HPS5: variants seen among roughly 807,000 people sequenced by gnomAD.
The protein encoded by HPS5 is BLOC-2 complex member HPS5.
HPS5 carries 83 observed loss-of-function variants against 128.0 expected under a neutral mutation model. That is an observed-to-expected ratio of 0.65 (90% CI 0.54 to 0.78). The LOEUF (loss-of-function observed/expected upper bound fraction) is 0.78, where lower values mean the gene tolerates loss of function less well. Ranked by LOEUF, HPS5 falls within the 30% of genes least tolerant of loss-of-function variation. The pLI is 0.00. For missense variants in HPS5, 1,281 were observed against 1,326.2 expected, an observed-to-expected ratio of 0.97 and a Z score of 0.53; for synonymous variants, 475 against 470.2, an observed-to-expected ratio of 1.01 and a Z score of -0.13.
intron 9 of HPS5, among the ~76,000 whole-genome samples, chr11:18,300,366 G>A (rs1374544157): frequency 6.6e-6 from 1 of 152,048 alleles, no homozygotes; most frequent in Non-Finnish European, 1.5e-5. Context: ...CTTACAATGG[G>A]AAATATCTAT....
intron 22 of HPS5, 42 bp downstream of exon 22, chr11:18,281,908 T>C: frequency 6.2e-7 from 1 of 1,612,684 alleles, no homozygotes; most frequent in South Asian, 1.1e-5. Flanking sequence ...GCCTTCTACC[T>C]TCTCCAAGCA....
intron 9 of HPS5, 37 bp downstream of exon 9, chr11:18,300,791 G>C: frequency 9.7e-7 from 1 of 1,035,252 alleles, no homozygotes. Flanking sequence ...ATTTTCATAA[G>C]CATGAGATTA....
intron 22 of HPS5, among the ~76,000 whole-genome samples, chr11:18,280,845 T>C (rs1273695708): frequency 6.6e-6 from 1 of 152,192 alleles, no homozygotes; most frequent in Admixed American, 6.5e-5. Context: ...GTAAAATTAA[T>C]AAAAACAGAA....
At chr11:18,310,609 A>C in intron 5 of HPS5, 132 bp downstream of exon 5, 1 of 754,128 alleles carries the variant, frequency 1.3e-6, no homozygotes, top group Non-Finnish European at 2.2e-6. Context: ...GTCTCCTCAA[A>C]ATCTCCAGGT....
At chr11:18,292,344 T>C (rs554576339) in intron 15 of HPS5, among the ~76,000 whole-genome samples, 2 of 151,964 alleles carry the variant, frequency 1.3e-5, no homozygotes, top group East Asian at 3.9e-4. Context: ...TACAGGTACA[T>C]GCCACTACAC....
In HPS5 at chr11:18,317,921, A is replaced by G; in HGVS notation, c.-49-14T>C. ...AGTATTCCTCACCTGAATAAAATCC[A>G]CAAAAATATAATTTAAGAAGCCCAC... On this transcript the variant is annotated splice_polypyrimidine_tract_variant and intron_variant, in intron 1 of 22. Coordinates refer to ENST00000349215, the MANE Select transcript of HPS5 (RefSeq NM_181507.2). 6.4e-7 allele frequency: 1 copy of G among 1,551,990 alleles called. No individual in the cohort carries two copies. Among genetic ancestry groups the G allele is most frequent in the East Asian group, 2.3e-5 (1 of 43,250 alleles).
rs1471342376 is a variant in HPS5, at chr11:18,280,473, T to C, written c.3330-531A>G. On this transcript the variant is annotated intron_variant, in intron 22 of 22. Transcript: ENST00000349215. ...AAATGGTGCAGTCTCTACAGAACAG[T>C]ATGGTGGTTCCTCAAAAAATTAAAA... 4 of 665,282 alleles carry C rather than the reference T, an allele frequency of 6.0e-6. No individual in the cohort carries two copies. The African/African-American group carries it at 7.2e-5, about 12-fold the overall frequency. The allele number at this position is 665,282 out of a possible 1,614,324, so 41.2% of individuals were successfully genotyped here.
At chr11:18,301,454 C>CAAAAAAAAAA in intron 8 of HPS5, among the ~76,000 whole-genome samples, 1 of 52,078 alleles carries the variant, frequency 1.9e-5, no homozygotes, top group East Asian at 6.0e-4. Flanking sequence ...GACTCTGTCT[C>CAAAAAAAAAA]AAAAAAAAAA....
chr11:18,285,243 A>G, intron 20 of HPS5, 103 bp downstream of exon 20: 1 of 660,912 alleles, frequency 1.5e-6, no homozygotes, highest in Non-Finnish European at 2.6e-6. Context: ...TAGCAAAGAG[A>G]ATCCCCAAAT....
In HPS5 at chr11:18,292,933, A is replaced by G. The variant is rs1230723605; in HGVS notation, c.1828T>C (p.Phe610Leu). The change falls in exon 15 of 23, where the codon TTC becomes CTC. Residue 610 changes from phenylalanine (F) to leucine (L), a missense_variant. Physicochemically the swap from Phe to Leu is conservative, Grantham distance 22. Transcript: ENST00000349215. ...VTSPPPEEDR[F>L]QELKVATAEA... ...GCTGTTGCTACTTTAAGCTCCTGGA[A>G]CCTGTCTTCTTCTGGAGGTGGACTA... 1.2e-6 allele frequency: 2 copies of G among 1,614,070 alleles called. No homozygotes were observed. Among genetic ancestry groups the G allele is most frequent in the South Asian group, 2.2e-5 (2 of 91,082 alleles).
chr11:18,294,294 T>A (rs1673206551), intron 14 of HPS5, among the ~76,000 whole-genome samples: 1 of 152,178 alleles, frequency 6.6e-6, no homozygotes, highest in African/African-American at 2.4e-5. Flanking sequence ...TATTAGAGAA[T>A]AAAGTATTAT....
rs754640868 is a variant in HPS5 at position 18,311,922 on chromosome 11, A to G, written c.211T>C (p.Ser71Pro). ...GCTGCCCTTAATCTTACCCTGTGTGAAAGAAAAAGCCTGTGCTTCCAGCCT... is the reference window on the plus strand; with the variant it reads ...GCTGCCCTTAATCTTACCCTGTGTGGAAGAAAAAGCCTGTGCTTCCAGCCT... ...KEGWKHRLFL[S>P]HREGAISQVA... Residue 71 changes from serine (S) to proline (P), a missense_variant, in exon 3 of 23, where the codon TCA becomes CCA. Physicochemically the swap from Ser to Pro is moderately conservative, Grantham distance 74 (BLOSUM62 -1). Coordinates refer to ENST00000349215, the MANE Select transcript of HPS5 (RefSeq NM_181507.2). 6.2e-7 allele frequency: 1 copy of G among 1,609,580 alleles called. No homozygotes were observed. The highest frequency in any genetic ancestry group is 1.7e-5 in the Admixed American group (1 of 60,028).
At chr11:18,289,739 C>A (rs1860165833) in intron 16 of HPS5, among the ~76,000 whole-genome samples, 1 of 152,096 alleles carries the variant, frequency 6.6e-6, no homozygotes, top group Admixed American at 6.5e-5. Flanking sequence ...TGCTTAAAGT[C>A]TAAAGTATTA....
chr11:18,307,398 A>T (rs1030448249), intron 6 of HPS5, among the ~76,000 whole-genome samples: 1 of 152,236 alleles, frequency 6.6e-6, no homozygotes, highest in African/African-American at 2.4e-5. Flanking sequence ...TTTGAAATGT[A>T]TACAGAGCTG....
In HPS5 at chr11:18,298,779, A is replaced by G. The variant is rs1454189240; in HGVS notation, c.1164+13T>C. 1 of 1,613,668 alleles carries G rather than the reference A, an allele frequency of 6.2e-7. No homozygotes were observed. Among genetic ancestry groups the G allele is most frequent in the Non-Finnish European group, 8.5e-7 (1 of 1,179,672 alleles). ...AATCCATGGTAAAGATGTCTAGGTA[A>G]GCTCTGACTCACTCTGCTGGCAATG... On this transcript the variant is annotated intron_variant, in intron 10 of 22. Coordinates refer to ENST00000349215, the MANE Select transcript of HPS5 (RefSeq NM_181507.2).
At chr11:18,285,491 T>C in intron 19 of HPS5, 32 bp from the exon 20 acceptor site, 1 of 1,412,936 alleles carries the variant, frequency 7.1e-7, no homozygotes, top group Non-Finnish European at 1.0e-6. Flanking sequence ...GTAAATTAGA[T>C]AGGAAATAAA....
chr11:18,295,285 TA>T, intron 13 of HPS5, 116 bp from the exon 14 acceptor site: 1 of 877,058 alleles, frequency 1.1e-6, no homozygotes. Context: ...TTGGACTTAG[TA>T]AAGACTGTTT....
chr11:18,298,389 G>A (rs1385600761), intron 10 of HPS5, among the ~76,000 whole-genome samples: 2 of 152,138 alleles, frequency 1.3e-5, no homozygotes, highest in Non-Finnish European at 2.9e-5. Flanking sequence ...CAGCTACTCA[G>A]GAGGCTGAGA....
In HPS5 at chr11:18,295,040, G is replaced by A; in HGVS notation, c.1764C>T (p.Cys588=). The A allele has an allele frequency of 6.2e-7, 1 of 1,614,102 alleles. No individual in the cohort carries two copies. The highest frequency in any genetic ancestry group is 1.1e-5 in the South Asian group (1 of 91,074). ...CTTACTCAGTGTCTTCCTCCTTTGG[G>A]CAGGTATCTGAACTCACATCCTCTT... ...SCEEDVSSDT[C]PKEEDTEEEK... is the part of the protein sequence containing the mutation. Residue 588 remains cysteine (C), a synonymous_variant, in exon 14 of 23, where the codon TGC becomes TGT. Transcript: ENST00000349215.
Sources: gnomAD v4.1 joint callset for allele counts (sites outside exome capture counted in the v4.1 genomes callset) on GRCh38, gnomAD v4.1.1 for gene constraint, MANE v1.5 for transcripts, NCBI Gene and HGNC (gene_info 2026-07-23, HGNC 2026-07-21) for gene names.